ZFPM2: variants seen among roughly 807,000 people sequenced by gnomAD.
ZFPM2 encodes the protein zinc finger protein, FOG family member 2.
Under a neutral mutation model 98.6 loss-of-function variants are expected in ZFPM2, and 20 were observed. The observed-to-expected ratio is 0.20, with a 90% CI of 0.14 to 0.29. ZFPM2 has a LOEUF of 0.29. Among genes scored for constraint, ZFPM2 ranks in the 10% least tolerant of loss-of-function variants. The pLI, the probability that ZFPM2 is intolerant of heterozygous loss-of-function variation, is 1.00. For synonymous variants in ZFPM2, 518 were observed against 502.7 expected (o/e 1.03, Z -0.41); for missense variants, 1,310 against 1,388.6 (o/e 0.94, Z 0.90).
At chr8:105,785,138 G>T (rs536648359) in intron 5 of ZFPM2, 2 of 152,164 alleles carry the variant, frequency 1.3e-5, no homozygotes, top group South Asian at 4.2e-4. Flanking sequence ...AGCATCCATG[G>T]TCAATTAGAA....
At chr8:105,767,567 A>T (rs1485688565) in intron 5 of ZFPM2, among the ~76,000 whole-genome samples, 1 of 151,938 alleles carries the variant, frequency 6.6e-6, no homozygotes, top group African/African-American at 2.4e-5. Flanking sequence ...TGTATTATTC[A>T]AATGAAGGAA....
intron 5 of ZFPM2, among the ~76,000 whole-genome samples, chr8:105,718,543 A>G (rs1475078249): frequency 2.0e-5 from 3 of 151,998 alleles, no homozygotes; most frequent in African/African-American, 7.2e-5. Context: ...TGTCTTTGAA[A>G]GGGTTTTTGC....
chr8:105,439,804 T>C (rs1033381838), intron 2 of ZFPM2, among the ~76,000 whole-genome samples: 5 of 152,240 alleles, frequency 3.3e-5, no homozygotes, highest in African/African-American at 1.2e-4. Context: ...CTCTATTCTT[T>C]ACCATTGGGG....
intron 5 of ZFPM2, among the ~76,000 whole-genome samples, chr8:105,691,960 T>C (rs1285071660): frequency 2.6e-5 from 4 of 152,210 alleles, no homozygotes; most frequent in East Asian, 1.9e-4. Context: ...ATAAACTAAA[T>C]TGACTTTAGG....
At chr8:105,799,136 G>A (rs530116574) in intron 7 of ZFPM2, among the ~76,000 whole-genome samples, 188 bp downstream of exon 7, 91 of 152,200 alleles carry the variant, frequency 6.0e-4, no homozygotes, top group African/African-American at 2.2e-3. Flanking sequence ...CAAAGGACTT[G>A]GGTCTGAATT....
At chr8:105,404,518 T>C (rs979283972) in intron 1 of ZFPM2, among the ~76,000 whole-genome samples, 1 of 152,022 alleles carries the variant, frequency 6.6e-6, no homozygotes, top group African/African-American at 2.4e-5. Context: ...ATCTGAATTT[T>C]TCTTTATTTT....
Position 105,801,336 on chromosome 8 carries a change from C to T in ZFPM2, c.1254C>T (p.Ser418=), listed in dbSNP as rs745380121. Residue 418 remains serine (S), a synonymous_variant, in exon 8 of 8, where the codon AGC becomes AGT. Coordinates refer to ENST00000407775, the MANE Select transcript of ZFPM2 (RefSeq NM_012082.4). ...LQPATDLLTR[S]ELPQSQKAMQ... is the part of the protein sequence containing the mutation. ...CAGCCACAGACTTATTGACCAGAAGCGAACTTCCCCAGAGCCAAAAGGCCA... is the reference window on the plus strand; with the variant it reads ...CAGCCACAGACTTATTGACCAGAAGTGAACTTCCCCAGAGCCAAAAGGCCA... The T allele has an allele frequency of 6.2e-6, 10 of 1,613,812 alleles. No individual in the cohort carries two copies. Among genetic ancestry groups the T allele is most frequent in the Middle Eastern group, 1.6e-4 (1 of 6,084 alleles).
chr8:105,361,819 A>G (rs1248846980), intron 1 of ZFPM2, among the ~76,000 whole-genome samples: 2 of 152,092 alleles, frequency 1.3e-5, no homozygotes, highest in Admixed American at 6.6e-5. Context: ...TAATATTACC[A>G]TATTTTTACT....
intron 3 of ZFPM2, among the ~76,000 whole-genome samples, chr8:105,545,629 T>C (rs1814678643): frequency 6.6e-6 from 1 of 152,192 alleles, no homozygotes; most frequent in African/African-American, 2.4e-5. Flanking sequence ...ATTTCTTAAT[T>C]GCTCCTCCTA....
At chr8:105,380,710 T>TATTATATATAAC (rs1810848383) in intron 1 of ZFPM2, among the ~76,000 whole-genome samples, 1 of 39,316 alleles carries the variant, frequency 2.5e-5, no homozygotes, top group Non-Finnish European at 3.8e-5. Context: ...ATATAATATA[T>TATTATATATAAC]ATATATATTA....
At chr8:105,770,592 G>C (rs1407528040) in intron 5 of ZFPM2, among the ~76,000 whole-genome samples, 1 of 151,940 alleles carries the variant, frequency 6.6e-6, no homozygotes, top group Non-Finnish European at 1.5e-5. Context: ...TATAATTTCA[G>C]TTCTTCCCAT....
intron 1 of ZFPM2, among the ~76,000 whole-genome samples, chr8:105,320,691 A>G (rs1163774227): frequency 1.3e-5 from 2 of 152,164 alleles, no homozygotes; most frequent in Admixed American, 6.5e-5. Context: ...ATCTGATTTT[A>G]CTTGGGAATA....
At chr8:105,771,584 A>G (rs2131091892) in intron 5 of ZFPM2, among the ~76,000 whole-genome samples, 1 of 152,264 alleles carries the variant, frequency 6.6e-6, no homozygotes, top group East Asian at 1.9e-4. Context: ...AAGGCCATAC[A>G]AGTCTTAGAA....
At chr8:105,743,110 G>A (rs1219757008) in intron 5 of ZFPM2, among the ~76,000 whole-genome samples, 1 of 152,094 alleles carries the variant, frequency 6.6e-6, no homozygotes, top group African/African-American at 2.4e-5. Flanking sequence ...TGAGGAGTAA[G>A]GAAAACGATT....
chr8:105,573,888 G>A (rs569092373), intron 4 of ZFPM2, among the ~76,000 whole-genome samples: 257 of 152,200 alleles, frequency 1.7e-3, no homozygotes, highest in African/African-American at 5.4e-3. Flanking sequence ...TGCTATCTTG[G>A]GTAATCATAC....
rs543172105 is a variant in ZFPM2 at position 105,690,226 on chromosome 8, A to C, written c.532+55869A>C. 1.2e-4 allele frequency among the ~76,000 whole-genome samples: 18 copies of C among 152,370 alleles called. No homozygotes were observed. The South Asian group carries it at 3.7e-3, about 32-fold the overall frequency. ...CTCTCTAAGCTGAACATGTAAAAGCATAATAAGACTAATAACAAAATAATT... is the reference window on the plus strand; with the variant it reads ...CTCTCTAAGCTGAACATGTAAAAGCCTAATAAGACTAATAACAAAATAATT... On this transcript the variant is annotated intron_variant, in intron 5 of 7. Transcript: ENST00000407775.
At chr8:105,777,769 C>T (rs1325813650) in intron 5 of ZFPM2, among the ~76,000 whole-genome samples, 6 of 152,078 alleles carry the variant, frequency 3.9e-5, no homozygotes, top group African/African-American at 7.2e-5. Context: ...GAAAAAAAGG[C>T]ATTAATCAAC....
intron 5 of ZFPM2, among the ~76,000 whole-genome samples, chr8:105,668,161 T>G (rs570395763): frequency 6.6e-6 from 1 of 152,334 alleles, no homozygotes; most frequent in Admixed American, 6.5e-5. Flanking sequence ...CCACGTACCT[T>G]AGGAAGCAGT....
intron 2 of ZFPM2, among the ~76,000 whole-genome samples, chr8:105,423,399 T>C (rs1372795033): frequency 6.6e-6 from 1 of 152,218 alleles, no homozygotes; most frequent in African/African-American, 2.4e-5. Context: ...AGATGCTATT[T>C]GAAATTTACT....
Sources: allele counts gnomAD v4.1 joint callset (sites outside exome capture counted in the v4.1 genomes callset), GRCh38; gene constraint gnomAD v4.1.1; transcripts MANE v1.5; gene names NCBI Gene and HGNC (gene_info 2026-07-23, HGNC 2026-07-21).